GPM6A: variants seen among roughly 807,000 people sequenced by gnomAD.
GPM6A encodes the protein neuronal membrane glycoprotein M6-a.
Under a neutral mutation model 32.1 loss-of-function variants are expected in GPM6A, and 7 were observed. The observed-to-expected ratio is 0.22, with a 90% CI of 0.12 to 0.41. GPM6A has a LOEUF of 0.41. Among genes scored for constraint, GPM6A ranks in the 10% least tolerant of loss-of-function variants. The probability of loss-of-function intolerance (pLI) is 1.00; values close to 1 mark genes in which losing one functional copy is unlikely to be tolerated. For synonymous variants in GPM6A, 130 were observed against 123.4 expected (o/e 1.05, Z -0.35); for missense variants, 235 against 347.2 (o/e 0.68, Z 2.57).
intron 1 of GPM6A, among the ~76,000 whole-genome samples, chr4:175,884,123 G>A (rs1397157636): frequency 6.6e-6 from 1 of 152,032 alleles, no homozygotes; most frequent in African/African-American, 2.4e-5. Context: ...ACGTCACAGG[G>A]CTATTTTTGT....
intron 2 of GPM6A, among the ~76,000 whole-genome samples, chr4:175,675,339 G>A (rs1743305439): frequency 6.6e-6 from 1 of 151,644 alleles, no homozygotes; most frequent in Non-Finnish European, 1.5e-5. Context: ...TGCAGATGTG[G>A]CAATAACACC....
intron 1 of GPM6A, among the ~76,000 whole-genome samples, chr4:175,909,047 G>T (rs924610102): frequency 1.1e-5 from 1 of 94,248 alleles, no homozygotes; most frequent in Non-Finnish European, 2.0e-5. Flanking sequence ...AAGGGCGGGG[G>T]GGGGGCAACT....
chr4:175,777,733 T>A (rs933167083), intron 1 of GPM6A, among the ~76,000 whole-genome samples: 1 of 152,132 alleles, frequency 6.6e-6, no homozygotes, highest in East Asian at 1.9e-4. Context: ...TGAGAAACTA[T>A]AATTTTCAAA....
chr4:175,886,758 A>AC, intron 1 of GPM6A, among the ~76,000 whole-genome samples: 1 of 138,616 alleles, frequency 7.2e-6, no homozygotes, highest in Admixed American at 7.3e-5. Context: ...CACACACACA[A>AC]ACACACACCA....
At chr4:175,811,446 T>C (rs1195736345) in intron 1 of GPM6A, among the ~76,000 whole-genome samples, 3 of 152,280 alleles carry the variant, frequency 2.0e-5, no homozygotes, top group East Asian at 1.9e-4. Context: ...ATTCTCGAGT[T>C]GATTGAATCA....
Position 175,863,315 on chromosome 4 carries a change from T to C in GPM6A, c.-22-51066A>G, listed in dbSNP as rs969586761. On this transcript the variant is annotated intron_variant, in intron 1 of 7. Transcript: ENST00000280187. ...TTAGTTTGCATTGTCTAGAATTTTA[T>C]ATAAATAAAATCCTATACTATGCAT... 3.9e-5 allele frequency among the ~76,000 whole-genome samples: 6 copies of C among 152,302 alleles called. No homozygotes were observed. The East Asian group carries it at 1.2e-3, about 29-fold the overall frequency.
At chr4:175,986,826 G>A (rs1031517308) in intron 1 of GPM6A, among the ~76,000 whole-genome samples, 12 of 152,116 alleles carry the variant, frequency 7.9e-5, no homozygotes, top group Non-Finnish European at 1.3e-4. Context: ...TTGAGCTCTT[G>A]TTGATCAATG....
intron 1 of GPM6A, among the ~76,000 whole-genome samples, chr4:175,829,055 C>A (rs1364606343): frequency 1.3e-5 from 2 of 152,154 alleles, no homozygotes; most frequent in African/African-American, 4.8e-5. Context: ...TCCCAAGTAG[C>A]TGGAACTACA....
chr4:175,682,304 T>G (rs1743733000), intron 2 of GPM6A, among the ~76,000 whole-genome samples: 1 of 152,088 alleles, frequency 6.6e-6, no homozygotes, highest in Admixed American at 6.6e-5. Context: ...AAGAAATAAA[T>G]AACTTTAAAT....
chr4:175,649,392 A>G (rs1003283398), intron 4 of GPM6A, among the ~76,000 whole-genome samples: 1 of 152,238 alleles, frequency 6.6e-6, no homozygotes, highest in Non-Finnish European at 1.5e-5. Context: ...GAAAATATTA[A>G]GAAGGTCTAT....
At chr4:175,798,678 C>T (rs1005101737) in intron 1 of GPM6A, 4 of 152,078 alleles carry the variant, frequency 2.6e-5, no homozygotes, top group African/African-American at 9.7e-5. Context: ...CTGACTATCA[C>T]AGATAGGTAA....
intron 2 of GPM6A, among the ~76,000 whole-genome samples, chr4:175,676,504 T>G (rs1743373979): frequency 6.6e-6 from 1 of 152,200 alleles, no homozygotes; most frequent in Non-Finnish European, 1.5e-5. Context: ...ATCCCACCGC[T>G]TCGAGAGGCT....
intron 1 of GPM6A, among the ~76,000 whole-genome samples, chr4:175,747,320 A>G (rs893653942): frequency 6.6e-6 from 1 of 151,096 alleles, no homozygotes; most frequent in Admixed American, 6.6e-5. Flanking sequence ...AGTATTTTTC[A>G]TTGCTGTCAT....
intron 1 of GPM6A, among the ~76,000 whole-genome samples, chr4:175,746,379 T>G (rs1732104444): frequency 6.6e-6 from 1 of 152,244 alleles, no homozygotes; most frequent in Non-Finnish European, 1.5e-5. Context: ...TTTGCACATC[T>G]TGGGTTGCCA....
chr4:175,900,546 A>T (rs1180517106), intron 1 of GPM6A, among the ~76,000 whole-genome samples: 1 of 152,076 alleles, frequency 6.6e-6, no homozygotes, highest in African/African-American at 2.4e-5. Context: ...ATCATCAGAG[A>T]AATGCAAATC....
At chr4:175,680,518 A>G (rs1358504098) in intron 2 of GPM6A, among the ~76,000 whole-genome samples, 1 of 152,182 alleles carries the variant, frequency 6.6e-6, no homozygotes, top group African/African-American at 2.4e-5. Flanking sequence ...TACATGGATT[A>G]GTGTATTTTT....
At position 175,920,330 on chromosome 4, in the gene GPM6A, C is replaced by A. The variant is rs538256354; in HGVS notation, c.-23+81979G>T. On this transcript the variant is annotated intron_variant, in intron 1 of 7. Coordinates refer to the GPM6A transcript ENST00000280187. ...CACTTATCCTCTCTTGTGCTTAATT[C>A]TCTTACCAGTATAAAAGGGTTAATT... Among the ~76,000 whole-genome samples the A allele has an allele frequency of 5.3e-5, 8 of 152,294 alleles. No homozygotes were observed. In the South Asian group the frequency reaches 1.7e-3, roughly 32 times the overall value.
chr4:175,639,067 A>G (rs757161932), intron 6 of GPM6A, among the ~76,000 whole-genome samples: 14 of 152,166 alleles, frequency 9.2e-5, no homozygotes, highest in Non-Finnish European at 1.9e-4. Context: ...TATAGAGGTC[A>G]CTGTATCAAA....
At chr4:175,881,510 A>T (rs1369636925) in intron 1 of GPM6A, among the ~76,000 whole-genome samples, 2 of 152,196 alleles carry the variant, frequency 1.3e-5, no homozygotes, top group Non-Finnish European at 2.9e-5. Context: ...ACCCAAAGGA[A>T]TATAAATCAT....
Sources: gnomAD v4.1 joint callset for allele counts (sites outside exome capture counted in the v4.1 genomes callset) on GRCh38, gnomAD v4.1.1 for gene constraint, MANE v1.5 for transcripts, NCBI Gene and HGNC (gene_info 2026-07-23, HGNC 2026-07-21) for gene names.